The following SLCO6A1 variants were observed in gnomAD, a reference collection of about 807,000 sequenced individuals.
The protein encoded by SLCO6A1 is cancer/testis antigen 48.
A neutral mutation model predicts 72.7 loss-of-function variants in SLCO6A1; 65 were observed. That is an observed-to-expected ratio of 0.89 (90% CI 0.73 to 1.10). The LOEUF is 1.10. Among genes scored for constraint, SLCO6A1 ranks in the 50% least tolerant of loss-of-function variants. SLCO6A1 has a pLI of 0.00. For synonymous variants in SLCO6A1, 314 were observed against 298.2 expected (o/e 1.05, Z -0.55); for missense variants, 874 against 872.6 (o/e 1.00, Z -0.02).
At chr5:102,373,306 CATTGATAG>C in intron 13 of SLCO6A1, 23 bp downstream of exon 13, 1 of 1,374,338 alleles carries the variant, frequency 7.3e-7, no homozygotes, top group Non-Finnish European at 9.6e-7. Context: ...ATTAATATTT[CATTGATAG>C]ATTGACAATG....
In SLCO6A1 at chr5:102,475,794, C is replaced by G. The variant is rs564594993; in HGVS notation, c.803-1G>C. 1 of 1,594,384 alleles carries G rather than the reference C, an allele frequency of 6.3e-7. No individual in the cohort carries two copies. The highest frequency in any genetic ancestry group is 8.5e-7 in the Non-Finnish European group (1 of 1,169,636). ...ATCATTGATGTACATTCTGCAATAC[C>G]TGTAAAATAAGCACTGAAACTGAAC... On this transcript the variant is annotated splice_acceptor_variant, in intron 3 of 13. Transcript: ENST00000506729. LOFTEE classifies it high-confidence loss of function.
At chr5:102,470,208 T>C (rs1751533349) in intron 4 of SLCO6A1, among the ~76,000 whole-genome samples, 1 of 152,118 alleles carries the variant, frequency 6.6e-6, no homozygotes, top group Admixed American at 6.6e-5. Flanking sequence ...CTTTTTCTAG[T>C]GATTGGAATA....
chr5:102,425,902 T>G (rs1196495821), intron 7 of SLCO6A1, among the ~76,000 whole-genome samples: 1 of 152,220 alleles, frequency 6.6e-6, no homozygotes, highest in Non-Finnish European at 1.5e-5. Context: ...AACAGCATGG[T>G]ACTGGTACCA....
intron 9 of SLCO6A1, among the ~76,000 whole-genome samples, chr5:102,402,011 C>A: frequency 6.6e-6 from 1 of 151,878 alleles, no homozygotes; most frequent in Non-Finnish European, 1.5e-5. Flanking sequence ...GGTTCATGAA[C>A]AGATTATGGA....
intron 4 of SLCO6A1, among the ~76,000 whole-genome samples, chr5:102,464,867 A>G (rs999804513): frequency 1.3e-5 from 2 of 152,218 alleles, no homozygotes; most frequent in African/African-American, 4.8e-5. Context: ...GATGTTGTCT[A>G]TAATAGGTCA....
chr5:102,374,453 C>G (rs773252750), intron 12 of SLCO6A1, among the ~76,000 whole-genome samples: 5 of 152,112 alleles, frequency 3.3e-5, no homozygotes, highest in Non-Finnish European at 5.9e-5. Flanking sequence ...GGTGGTGACA[C>G]CACACCTGGC....
At chr5:102,399,944 CTGTGTG>C (rs34032591) in intron 9 of SLCO6A1, among the ~76,000 whole-genome samples, 16 of 149,850 alleles carry the variant, frequency 1.1e-4, no homozygotes, top group Admixed American at 1.1e-3. Context: ...GGCAAAAAAT[CTGTGTG>C]TGTGTGTGTG....
At chr5:102,474,202 C>T (rs936365128) in intron 4 of SLCO6A1, among the ~76,000 whole-genome samples, 1 of 151,944 alleles carries the variant, frequency 6.6e-6, no homozygotes, top group African/African-American at 2.4e-5. Context: ...GTCCTCAAAA[C>T]AGTATGGTAC....
At chr5:102,433,677 A>G (rs916170299) in intron 7 of SLCO6A1, among the ~76,000 whole-genome samples, 19 of 152,122 alleles carry the variant, frequency 1.2e-4, no homozygotes, top group African/African-American at 4.3e-4. Context: ...CAACACTCCA[A>G]TGGACGGTGG....
At chr5:102,440,395 G>T (rs563927374) in intron 6 of SLCO6A1, among the ~76,000 whole-genome samples, 1 of 152,244 alleles carries the variant, frequency 6.6e-6, no homozygotes, top group African/African-American at 2.4e-5. Flanking sequence ...AGGGATTTAG[G>T]TTGTGCGATC....
At chr5:102,373,190 C>T in intron 13 of SLCO6A1, 147 bp downstream of exon 13, 1 of 390,798 alleles carries the variant, frequency 2.6e-6, no homozygotes, top group Non-Finnish European at 3.9e-6. Context: ...TAAACACAGA[C>T]TATATTATTA....
intron 4 of SLCO6A1, among the ~76,000 whole-genome samples, chr5:102,470,225 G>T (rs543502584): frequency 1.2e-4 from 19 of 152,276 alleles, no homozygotes; most frequent in African/African-American, 4.6e-4. Flanking sequence ...AATAGTTTCA[G>T]AAGGAATGGT....
chr5:102,459,649 T>C lies in SLCO6A1; in HGVS notation c.1021+7A>G. 5 of 1,576,996 alleles carry C rather than the reference T, an allele frequency of 3.2e-6. No homozygotes were observed. The highest frequency in any genetic ancestry group is 4.3e-6 in the Non-Finnish European group (5 of 1,168,956). ...CTCCAATTTAATAAATTACATTTTA[T>C]AGTCACCTGGCATATTGTTTGGAAA... On this transcript the variant is annotated splice_region_variant and intron_variant, in intron 5 of 13. Coordinates refer to ENST00000506729, the MANE Select transcript of SLCO6A1 (RefSeq NM_173488.5).
intron 4 of SLCO6A1, among the ~76,000 whole-genome samples, chr5:102,460,860 C>T (rs911668266): frequency 6.8e-5 from 5 of 73,074 alleles, no homozygotes; most frequent in Non-Finnish European, 1.1e-4. Context: ...TTCCAATTTT[C>T]CTAGGGTTGC....
intron 4 of SLCO6A1, among the ~76,000 whole-genome samples, chr5:102,468,964 G>A (rs949034898): frequency 6.6e-6 from 1 of 152,084 alleles, no homozygotes; most frequent in Non-Finnish European, 1.5e-5. Flanking sequence ...AAGATCAGAT[G>A]GTTGTAGATG....
At chr5:102,446,249 A>G (rs1285387496) in intron 6 of SLCO6A1, among the ~76,000 whole-genome samples, 1 of 152,094 alleles carries the variant, frequency 6.6e-6, no homozygotes, top group Non-Finnish European at 1.5e-5. Context: ...GATTTCTTTC[A>G]GCAGTGTTTT....
chr5:102,411,750 A>G (rs1236420393), intron 9 of SLCO6A1, among the ~76,000 whole-genome samples: 3 of 152,170 alleles, frequency 2.0e-5, no homozygotes, highest in Non-Finnish European at 4.4e-5. Flanking sequence ...TAGGTGACAA[A>G]GAAGAAAATC....
In SLCO6A1 at chr5:102,484,255, A is replaced by G. The variant is rs149492851; in HGVS notation, c.359-3821T>C. 3.1e-3 allele frequency among the ~76,000 whole-genome samples: 473 copies of G among 152,286 alleles called. 4 individuals are homozygous for G. Among genetic ancestry groups the G allele is most frequent in the South Asian group, 6.8e-3 (33 of 4,828 alleles). On this transcript the variant is annotated intron_variant, in intron 1 of 13. Transcript: ENST00000506729. ...GTTTTCATTGACTCCAAGCCCAATC[A>G]TGTCAGACAGCTAATTCCAGATTTC...
At position 102,464,269 on chromosome 5, in the gene SLCO6A1, T is replaced by TA. The variant is rs1424413996; in HGVS notation, c.900-4493dup. On this transcript the variant is annotated intron_variant, in intron 4 of 13. Coordinates refer to ENST00000506729, the MANE Select transcript of SLCO6A1 (RefSeq NM_173488.5). The stretch of plus-strand genomic sequence containing the variant: ...AGAAAAATATTGACATATTTGATGA[T>TA]AAAAAACTTTTAAAGTTTCTATAAT... Among the ~76,000 whole-genome samples, 6 of 152,280 alleles carry TA rather than the reference T, an allele frequency of 3.9e-5. No homozygotes were observed. In the South Asian group the frequency reaches 8.3e-4, roughly 21 times the overall value.
Sources: allele counts gnomAD v4.1 joint callset (sites outside exome capture counted in the v4.1 genomes callset), GRCh38; gene constraint gnomAD v4.1.1; transcripts MANE v1.5; gene names NCBI Gene and HGNC (gene_info 2026-07-23, HGNC 2026-07-21).